The following AFM variants were observed in gnomAD, a reference collection of about 807,000 sequenced individuals.
AFM encodes the protein afamin.
In AFM, 82 loss-of-function variants were observed where a neutral mutation model predicts 68.7. That is an observed-to-expected ratio of 1.19 (90% confidence interval 1.00 to 1.43). AFM has a LOEUF of 1.43. Among genes scored for constraint, AFM ranks in the 40% most tolerant of loss-of-function variants. The pLI, the probability that AFM is intolerant of heterozygous loss-of-function variation, is 0.00. For synonymous variants in AFM, 250 were observed against 234.2 expected, an observed-to-expected ratio of 1.07 and a Z score of -0.61; for missense variants, 772 against 701.8, an observed-to-expected ratio of 1.10 and a Z score of -1.13.
At chr4:73,497,112 A>G (rs138112851) in intron 9 of AFM, among the ~76,000 whole-genome samples, 143 of 152,322 alleles carry the variant, frequency 9.4e-4, no homozygotes, top group African/African-American at 3.2e-3. Context: ...CACTCAGAAG[A>G]TGTCCAATTT....
At chr4:73,482,511 C>T (rs16849472) in intron 1 of AFM, among the ~76,000 whole-genome samples, 3,325 of 152,310 alleles carry the variant, frequency 0.022, 50 homozygotes, top group South Asian at 0.051. Context: ...AGGCATGGAT[C>T]GTGTCTTACG....
chr4:73,489,491 AT>A (rs200611276), intron 7 of AFM, among the ~76,000 whole-genome samples: 4 of 152,172 alleles, frequency 2.6e-5, no homozygotes, highest in South Asian at 2.1e-4. Context: ...TCACATACTT[AT>A]TTTTTTGTGG....
intron 2 of AFM, 57 bp from the exon 3 acceptor site, chr4:73,484,201 G>T (rs977106342): frequency 2.3e-5 from 36 of 1,535,160 alleles, no homozygotes; most frequent in Non-Finnish European, 3.0e-5. Flanking sequence ...ACTTTTTCTT[G>T]ACCATAAATG....
intron 1 of AFM, 69 bp from the exon 2 acceptor site, chr4:73,483,872 T>A (rs2149342258): frequency 7.7e-7 from 1 of 1,295,798 alleles, no homozygotes. Context: ...AAATGCCATG[T>A]ATAGTTATTT....
rs571076182 is a variant in AFM, at chr4:73,501,216, A to G, written c.1647-571A>G. On this transcript the variant is annotated intron_variant, in intron 12 of 14. Transcript: ENST00000226355. ...ATGGCTGTTGTCACACTTAATTGTGATAGCTTATTTTTTTAATTGCTCCTT... is the reference window on the plus strand; with the variant it reads ...ATGGCTGTTGTCACACTTAATTGTGGTAGCTTATTTTTTTAATTGCTCCTT... Among the ~76,000 whole-genome samples, 83 of 152,182 alleles carry G rather than the reference A, an allele frequency of 5.5e-4. 1 individual carries two copies. The South Asian group carries it at 0.017, about 32-fold the overall frequency.
chr4:73,500,983 T>C (rs534582326), intron 12 of AFM, among the ~76,000 whole-genome samples: 20 of 152,294 alleles, frequency 1.3e-4, no homozygotes, highest in African/African-American at 4.8e-4. Flanking sequence ...TGTTAATTCT[T>C]AGATCGAAGG....
intron 8 of AFM, among the ~76,000 whole-genome samples, chr4:73,492,876 TTTG>T (rs1553895088): frequency 2.0e-5 from 3 of 151,610 alleles, no homozygotes; most frequent in Admixed American, 2.0e-4. Flanking sequence ...TGTTTTTTTT[TTTG>T]TTGTTGTTTG....
At chr4:73,502,403 A>G (rs1721446051) in intron 13 of AFM, among the ~76,000 whole-genome samples, 1 of 152,034 alleles carries the variant, frequency 6.6e-6, no homozygotes, top group Non-Finnish European at 1.5e-5. Flanking sequence ...AACATCCTGC[A>G]GTTGAGAATA....
intron 12 of AFM, 148 bp downstream of exon 12, chr4:73,500,375 T>C (rs1560414641): frequency 1.4e-6 from 1 of 701,846 alleles, no homozygotes; most frequent in East Asian, 2.8e-5. Context: ...TATGGAAAAA[T>C]ACAAGTGCAT....
intron 9 of AFM, among the ~76,000 whole-genome samples, chr4:73,497,429 T>TA: frequency 6.6e-6 from 1 of 152,136 alleles, no homozygotes. Flanking sequence ...AAGGTGATAA[T>TA]AAAAAAATTT....
At chr4:73,498,741 T>C (rs16849508) in intron 10 of AFM, among the ~76,000 whole-genome samples, 33,973 of 152,174 alleles carry the variant, frequency 0.22, 4,229 homozygotes, top group Admixed American at 0.33. Flanking sequence ...ATTATCCTTT[T>C]ACAACATATA....
intron 8 of AFM, among the ~76,000 whole-genome samples, chr4:73,492,792 CA>C (rs771473722): frequency 0.21 from 14,599 of 70,342 alleles, 1,026 homozygotes; most frequent in African/African-American, 0.36. Context: ...GAGACTGTCT[CA>C]AAAAAAAAAA....
At chr4:73,489,074 C>A (rs1295582687) in intron 7 of AFM, among the ~76,000 whole-genome samples, 2 of 151,952 alleles carry the variant, frequency 1.3e-5, no homozygotes, top group African/African-American at 4.8e-5. Context: ...ATTATAAATC[C>A]TCTTTTAGAG....
At chr4:73,503,501 C>A (rs1480648955) in intron 14 of AFM, among the ~76,000 whole-genome samples, 4 of 152,104 alleles carry the variant, frequency 2.6e-5, no homozygotes, top group Non-Finnish European at 4.4e-5. Context: ...CTCAGTGACC[C>A]TTTCCAATAA....
chr4:73,488,597 A>G (rs1199149132), intron 6 of AFM, 33 bp from the exon 7 acceptor site: 4 of 1,586,814 alleles, frequency 2.5e-6, no homozygotes, highest in African/African-American at 1.4e-5. Flanking sequence ...TGCTGTTCAA[A>G]TTATTTTTGT....
Position 73,487,023 on chromosome 4 carries a change from C to G in AFM, c.539C>G (p.Thr180Ser), listed in dbSNP as rs1720919574. 6.2e-7 allele frequency: 1 copy of G among 1,613,932 alleles called. No individual in the cohort carries two copies. The highest frequency in any genetic ancestry group is 8.5e-7 in the Non-Finnish European group (1 of 1,179,934). The change falls in exon 5 of 15, where the codon ACT (threonine) becomes AGT (serine). Residue 180 changes from threonine to serine, a missense_variant. Coordinates refer to ENST00000226355, the MANE Select transcript of AFM (RefSeq NM_001133.2). ...TTTGTCTTCGCCCCTACACTTCTAA[C>G]TGTTGCTGTTCATTTTGAGGAGGTG... ...NPFVFAPTLL[T>S]VAVHFEEVAK...
At chr4:73,501,381 T>C (rs1721417656) in intron 12 of AFM, among the ~76,000 whole-genome samples, 1 of 152,160 alleles carries the variant, frequency 6.6e-6, no homozygotes, top group Non-Finnish European at 1.5e-5. Flanking sequence ...CTTTTCTTTG[T>C]ACTGGGAACA....
At position 73,489,986 on chromosome 4, in the gene AFM, G is replaced by A. The variant is rs572791514; in HGVS notation, c.843+1227G>A. Among the ~76,000 whole-genome samples, 224 of 151,776 alleles carry A rather than the reference G, an allele frequency of 1.5e-3. 1 individual carries two copies. Among genetic ancestry groups the A allele is most frequent in the African/African-American group, 5.3e-3 (219 of 41,406 alleles). On this transcript the variant is annotated intron_variant, in intron 7 of 14. Transcript: ENST00000226355. Reference sequence around the variant, plus strand: ...CTGCCCATGTATCCCGGAACTTAAAGTGAAAAAAAATTGCTCATGCATTCA... The same window carrying A: ...CTGCCCATGTATCCCGGAACTTAAAATGAAAAAAAATTGCTCATGCATTCA...
chr4:73,488,929 G>C (rs534727123), intron 7 of AFM, among the ~76,000 whole-genome samples, 170 bp downstream of exon 7: 4 of 152,082 alleles, frequency 2.6e-5, no homozygotes, highest in African/African-American at 4.8e-5. Flanking sequence ...AATAAACCTT[G>C]GGATTTTTTA....
Sources: gnomAD v4.1 joint callset for allele counts (sites outside exome capture counted in the v4.1 genomes callset) on GRCh38, gnomAD v4.1.1 for gene constraint, MANE v1.5 for transcripts, NCBI Gene and HGNC (gene_info 2026-07-23, HGNC 2026-07-21) for gene names.